LINGO1: variants seen among roughly 807,000 people sequenced by gnomAD.
The protein encoded by LINGO1 is leucine rich repeat and Ig domain containing 1, also known as leucine-rich repeat and immunoglobulin-like domain-containing nogo receptor-interacting protein 1.
A neutral mutation model predicts 37.3 loss-of-function variants in LINGO1; 11 were observed. The ratio of observed to expected loss-of-function variants is 0.29; its 90% CI spans 0.19 to 0.49. The LOEUF (loss-of-function observed/expected upper bound fraction) is 0.49. Among genes scored for constraint, LINGO1 ranks in the 20% least tolerant of loss-of-function variants. The pLI is 0.99. For missense variants in LINGO1, 585 were observed against 878.2 expected (o/e 0.67, Z 4.22); for synonymous variants, 387 against 403.0 (o/e 0.96, Z 0.48).
At chr15:77,627,545 CG>C (rs1339442679) in intron 1 of LINGO1, among the ~76,000 whole-genome samples, 16 of 152,162 alleles carry the variant, frequency 1.1e-4, no homozygotes, top group African/African-American at 3.9e-4. Context: ...TTGTTCCATC[CG>C]GGGTTCATTC....
intron 1 of LINGO1, among the ~76,000 whole-genome samples, chr15:77,800,676 C>A (rs1343744253): frequency 1.3e-5 from 2 of 152,146 alleles, no homozygotes; most frequent in Non-Finnish European, 2.9e-5. Flanking sequence ...GACATTAAAT[C>A]CAGAAGCCAT....
intron 1 of LINGO1, among the ~76,000 whole-genome samples, chr15:77,624,936 A>T (rs775325846): frequency 3.9e-4 from 59 of 152,168 alleles, no homozygotes; most frequent in Non-Finnish European, 7.1e-4. Flanking sequence ...GCTCTCGGGG[A>T]CAGGAAGATG....
chr15:77,710,450 A>G (rs529800424), intron 2 of LINGO1, among the ~76,000 whole-genome samples: 2 of 152,348 alleles, frequency 1.3e-5, no homozygotes, highest in East Asian at 1.9e-4. Flanking sequence ...CGCTTTGAAC[A>G]TAGAGACATC....
At chr15:77,663,194 G>C (rs1309815712) in intron 3 of LINGO1, among the ~76,000 whole-genome samples, 3 of 152,204 alleles carry the variant, frequency 2.0e-5, no homozygotes, top group African/African-American at 7.2e-5. Flanking sequence ...GCCATGCCCT[G>C]GTAGAAGGAA....
chr15:77,703,446 C>A (rs1389977956), intron 2 of LINGO1, among the ~76,000 whole-genome samples: 1 of 152,122 alleles, frequency 6.6e-6, no homozygotes, highest in Non-Finnish European at 1.5e-5. Context: ...GGGTTCTGGG[C>A]CCCTCCACTA....
chr15:77,758,375 C>T (rs902376848), intron 1 of LINGO1, among the ~76,000 whole-genome samples: 2 of 152,294 alleles, frequency 1.3e-5, no homozygotes, highest in Middle Eastern at 3.4e-3. Flanking sequence ...TGCAGGCCTC[C>T]GTTTCCTTTC....
At position 77,674,969 on chromosome 15, in the gene LINGO1, C is replaced by T. The variant is rs149901510; in HGVS notation, c.-13+2120G>A. Among the ~76,000 whole-genome samples the T allele has an allele frequency of 3.6e-4, 55 of 152,136 alleles. No homozygotes were observed. The East Asian group carries it at 0.01, about 28-fold the overall frequency. On this transcript the variant is annotated intron_variant, in intron 3 of 3. Coordinates refer to the LINGO1 transcript ENST00000559893. ...ATACTTCCTGAATGAGTGGATACAGCAGCAGAGGACTTGACATCAACAAGC... is the reference window on the plus strand; with the variant it reads ...ATACTTCCTGAATGAGTGGATACAGTAGCAGAGGACTTGACATCAACAAGC...
chr15:77,699,773 AT>A (rs2075757707), upstream of LINGO1, among the ~76,000 whole-genome samples: 2 of 149,764 alleles, frequency 1.3e-5, no homozygotes, highest in African/African-American at 5.0e-5. Context: ...ACTAACCATC[AT>A]TCCCCCCCTC....
At position 77,801,998 on chromosome 15, in the gene LINGO1, A is replaced by G. The variant is rs145660590; in HGVS notation, c.-457-5945T>C. ...GCTGAGGGATAAAGGGAACATAGAA[A>G]GGGCCTTTGCAGAAAACTCCAGGAA... On this transcript the variant is annotated intron_variant, in intron 1 of 5. Coordinates refer to the LINGO1 transcript ENST00000562933. 1.5e-4 allele frequency among the ~76,000 whole-genome samples: 23 copies of G among 152,294 alleles called. No homozygotes were observed. In the East Asian group the frequency reaches 4.4e-3, roughly 29 times the overall value.
At chr15:77,789,315 A>G (rs1471197903), upstream of LINGO1, among the ~76,000 whole-genome samples, 1 of 152,226 alleles carries the variant, frequency 6.6e-6, no homozygotes, top group Non-Finnish European at 1.5e-5. Flanking sequence ...GCCCATAAGA[A>G]GGAGGCATTT....
At chr15:77,769,595 G>T (rs1343159348) in intron 1 of LINGO1, among the ~76,000 whole-genome samples, 1 of 152,186 alleles carries the variant, frequency 6.6e-6, no homozygotes, top group African/African-American at 2.4e-5. Context: ...CCAACTGGAG[G>T]CAAGGATGGA....
At chr15:77,783,406 G>A (rs892114560) in intron 1 of LINGO1, among the ~76,000 whole-genome samples, 3 of 152,160 alleles carry the variant, frequency 2.0e-5, no homozygotes, top group Non-Finnish European at 2.9e-5. Context: ...AGAAGGATCA[G>A]GGTCCCTGCT....
upstream of LINGO1, among the ~76,000 whole-genome samples, chr15:77,635,820 T>C (rs1322129939): frequency 6.7e-6 from 1 of 149,820 alleles, no homozygotes; most frequent in Non-Finnish European, 1.5e-5. Flanking sequence ...ACTGCGTGTC[T>C]CATAGGTGGG....
intron 1 of LINGO1, among the ~76,000 whole-genome samples, chr15:77,745,201 C>A (rs1261160595): frequency 6.6e-6 from 1 of 150,958 alleles, no homozygotes; most frequent in Non-Finnish European, 1.5e-5. Flanking sequence ...GCGAGGCAGG[C>A]GGATCACGAG....
chr15:77,817,277 G>A (rs2077056469), intron 1 of LINGO1, among the ~76,000 whole-genome samples: 1 of 152,200 alleles, frequency 6.6e-6, no homozygotes, highest in East Asian at 1.9e-4. Context: ...TGGGCCACCT[G>A]GGGAGGAAGT....
intron 2 of LINGO1, among the ~76,000 whole-genome samples, chr15:77,713,125 C>T (rs983755461): frequency 6.6e-6 from 1 of 152,004 alleles, no homozygotes; most frequent in Non-Finnish European, 1.5e-5. Context: ...TCATTACAAC[C>T]TCCACCTCCC....
chr15:77,705,159 C>T (rs979702077), intron 2 of LINGO1, among the ~76,000 whole-genome samples: 1 of 63,998 alleles, frequency 1.6e-5, no homozygotes, highest in African/African-American at 4.6e-5. Context: ...GAAGATACCC[C>T]CCTCCCCCTG....
chr15:77,636,696 G>T (rs545284901), upstream of LINGO1, among the ~76,000 whole-genome samples: 1 of 152,126 alleles, frequency 6.6e-6, no homozygotes, highest in African/African-American at 2.4e-5. Flanking sequence ...CCCTGGGGGG[G>T]TCTCTAAGCT....
intron 1 of LINGO1, among the ~76,000 whole-genome samples, chr15:77,692,697 C>T (rs2075624860): frequency 6.6e-6 from 1 of 152,180 alleles, no homozygotes; most frequent in Non-Finnish European, 1.5e-5. Context: ...ATCCTCACCT[C>T]CGAGGGCAGC....
Sources: allele counts gnomAD v4.1 joint callset (sites outside exome capture counted in the v4.1 genomes callset), GRCh38; gene constraint gnomAD v4.1.1; transcripts MANE v1.5; gene names NCBI Gene and HGNC (gene_info 2026-07-23, HGNC 2026-07-21).